DYNC1LI1: variants seen among roughly 807,000 people sequenced by gnomAD.
The protein encoded by DYNC1LI1 is cytoplasmic dynein 1 light intermediate chain 1.
DYNC1LI1 carries 19 observed loss-of-function variants against 63.8 expected under a neutral mutation model. The observed-to-expected ratio is 0.30, with a 90% CI of 0.21 to 0.44. The LOEUF (loss-of-function observed/expected upper bound fraction) is 0.44. Ranked by LOEUF, DYNC1LI1 falls within the 20% of genes least tolerant of loss-of-function variation. The pLI, the probability that DYNC1LI1 is intolerant of heterozygous loss-of-function variation, is 1.00. For synonymous variants in DYNC1LI1, 225 were observed against 232.3 expected, an observed-to-expected ratio of 0.97 and a Z score of 0.28; for missense variants, 565 against 630.2, an observed-to-expected ratio of 0.90 and a Z score of 1.11.
rs371924766 is a variant in DYNC1LI1 at position 32,537,111 on chromosome 3, A to C, written c.739-7T>G. 3.7e-4 allele frequency: 538 copies of C among 1,448,878 alleles called. No homozygotes were observed. The highest frequency in any genetic ancestry group is 3.1e-3 in the South Asian group (235 of 77,014). 89.8% of individuals were successfully genotyped at this position (1,448,878 alleles called of 1,614,324 possible). A position where few individuals can be genotyped will look rare whatever the true frequency, so the allele number is the denominator to read the frequency against. On this transcript the variant is annotated splice_polypyrimidine_tract_variant and splice_region_variant and intron_variant, in intron 5 of 12. Transcript: ENST00000273130. ...ATACACTAATGGCATCACACTGTTA[A>C]GTTAAAATAATTAAAAATAATACAT... is the stretch of plus-strand genomic sequence containing the variant.
chr3:32,548,007 A>G (rs1048555095), intron 2 of DYNC1LI1, among the ~76,000 whole-genome samples: 1 of 152,054 alleles, frequency 6.6e-6, no homozygotes, highest in Non-Finnish European at 1.5e-5. Flanking sequence ...ATACACATAC[A>G]CACACATATA....
intron 5 of DYNC1LI1, among the ~76,000 whole-genome samples, chr3:32,538,504 T>A (rs1697831965): frequency 1.3e-5 from 2 of 151,826 alleles, no homozygotes; most frequent in Admixed American, 6.6e-5. Flanking sequence ...ATCGAGACCA[T>A]CCTGGCTAAC....
chr3:32,568,155 T>A (rs1225766399), intron 2 of DYNC1LI1, among the ~76,000 whole-genome samples: 1 of 152,090 alleles, frequency 6.6e-6, no homozygotes, highest in Admixed American at 6.6e-5. Flanking sequence ...TTTTTTTAAA[T>A]AAGAGACTCC....
At position 32,555,678 on chromosome 3, in the gene DYNC1LI1, C is replaced by T. The variant is rs538737279; in HGVS notation, c.221-9713G>A. Reference sequence around the variant, plus strand: ...TCCCATCCTGCAGCTGAGTGATCTTCCTGAACCGATCTCATTATGCTACTC... The same window carrying T: ...TCCCATCCTGCAGCTGAGTGATCTTTCTGAACCGATCTCATTATGCTACTC... On this transcript the variant is annotated intron_variant, in intron 2 of 12. Transcript: ENST00000273130. 3.9e-5 allele frequency among the ~76,000 whole-genome samples: 6 copies of T among 152,272 alleles called. No homozygotes were observed. The East Asian group carries it at 1.2e-3, about 29-fold the overall frequency.
At chr3:32,527,840 G>T (rs1294217625) in intron 12 of DYNC1LI1, among the ~76,000 whole-genome samples, 2 of 151,844 alleles carry the variant, frequency 1.3e-5, no homozygotes, top group African/African-American at 4.8e-5. Context: ...AGGAATGAAG[G>T]CCAGGCATGG....
At chr3:32,560,862 C>T (rs1037565136) in intron 2 of DYNC1LI1, among the ~76,000 whole-genome samples, 3 of 151,304 alleles carry the variant, frequency 2.0e-5, no homozygotes, top group Non-Finnish European at 4.4e-5. Context: ...ATTAGCCAGG[C>T]GTGGTGGCTC....
At chr3:32,562,607 G>A (rs1366126815) in intron 2 of DYNC1LI1, among the ~76,000 whole-genome samples, 2 of 152,152 alleles carry the variant, frequency 1.3e-5, no homozygotes. Flanking sequence ...GATTGCAGGC[G>A]GGAGCCACTG....
At chr3:32,550,729 A>AC (rs984646215) in intron 2 of DYNC1LI1, among the ~76,000 whole-genome samples, 44 of 152,258 alleles carry the variant, frequency 2.9e-4, no homozygotes, top group African/African-American at 9.9e-4. Context: ...ACTGGGACCC[A>AC]CCCCCTTAGT....
At chr3:32,558,680 T>C (rs1356805634) in intron 2 of DYNC1LI1, among the ~76,000 whole-genome samples, 1 of 152,014 alleles carries the variant, frequency 6.6e-6, no homozygotes, top group Non-Finnish European at 1.5e-5. Context: ...ATCCCGTCTC[T>C]ACTAAAAATA....
rs1698334029 is a variant in DYNC1LI1, at chr3:32,570,527, CCGGGCCCGGCGCCGAGCTCCAG to C, written c.146+76_146+97del. ...GATGGGGCTGCCGGGAACGCAGTGG[CCGGGCCCGGCGCCGAGCTCCAG>C]CGGGCACGGGATCCCGAGGCGTCCG... On this transcript the variant is annotated intron_variant, in intron 1 of 12. Coordinates refer to ENST00000273130, the MANE Select transcript of DYNC1LI1 (RefSeq NM_016141.4). 3.4e-6 allele frequency: 5 copies of C among 1,487,360 alleles called. No homozygotes were observed. The South Asian group carries it at 6.5e-5, about 19-fold the overall frequency. The allele number at this position is 1,487,360 out of a possible 1,614,324, so 92.1% of individuals were successfully genotyped here.
At position 32,570,369 on chromosome 3, in the gene DYNC1LI1, G is replaced by A. The variant is rs759036961; in HGVS notation, c.197C>T (p.Ala66Val). ...VSTRSRSKLP[A>V]GKNVLLLGED... is the part of the protein sequence containing the mutation. ...ACCCAGCAGTAGCACGTTCTTCCCC[G>A]CAGGGAGCTTGGAGCGCGAGCGGGT... is the stretch of plus-strand genomic sequence containing the variant. The change falls in exon 2 of 13, where the codon GCG becomes GTG. Residue 66 changes from alanine (A) to valine (V), a missense_variant. Transcript: ENST00000273130. The A allele has an allele frequency of 2.9e-5, 46 of 1,602,432 alleles. No homozygotes were observed. In the Middle Eastern group the frequency reaches 1.1e-3, roughly 38 times the overall value.
intron 11 of DYNC1LI1, 141 bp from the exon 12 acceptor site, chr3:32,528,742 CT>C: frequency 1.4e-6 from 1 of 720,484 alleles, no homozygotes; most frequent in Non-Finnish European, 2.1e-6. Flanking sequence ...CTAGTTTGAT[CT>C]TTTGATGCTG....
At chr3:32,548,307 G>A (rs903056454) in intron 2 of DYNC1LI1, among the ~76,000 whole-genome samples, 7 of 152,090 alleles carry the variant, frequency 4.6e-5, no homozygotes, top group East Asian at 3.9e-4. Context: ...AACTGCGCAC[G>A]CCTGGGGATC....
rs775297808 is a variant in DYNC1LI1, at chr3:32,528,582, G to A, written c.1326C>T (p.Gly442=). Residue 442 remains glycine (G), a synonymous_variant, in exon 12 of 13, where the codon GGC becomes GGT. Coordinates refer to ENST00000273130, the MANE Select transcript of DYNC1LI1 (RefSeq NM_016141.4). Reference sequence around the variant, plus strand: ...AACTGTTGAAGAAATTTGCCAGAACGCCTTCACTTGTAGCTCCAGCTATAA... The same window carrying A: ...AACTGTTGAAGAAATTTGCCAGAACACCTTCACTTGTAGCTCCAGCTATAA... ...PNMKAGATSE[G]VLANFFNSLL... 1.2e-5 allele frequency: 19 copies of A among 1,610,440 alleles called. No homozygotes were observed. The highest frequency in any genetic ancestry group is 4.5e-5 in the East Asian group (2 of 44,752).
chr3:32,537,960 TAATATATATATATTTATATATAATATA>T lies in DYNC1LI1; in HGVS notation c.739-883_739-857del, dbSNP rs1697807195. ...ATAATATATATATAATTTATATATATAATATATATATATTTATATATAATATATATATATAATTTATATATATAATAT... is the reference window on the plus strand; with the variant it reads ...ATAATATATATATAATTTATATATATTATATATAATTTATATATATAATAT... On this transcript the variant is annotated intron_variant, in intron 5 of 12. Coordinates refer to ENST00000273130, the MANE Select transcript of DYNC1LI1 (RefSeq NM_016141.4). 2.2e-3 allele frequency among the ~76,000 whole-genome samples: 7 copies of T among 3,170 alleles called. 1 individual carries two copies. The highest frequency in any genetic ancestry group is 8.8e-3 in the African/African-American group (7 of 794). 2.1% of individuals were successfully genotyped at this position (3,170 alleles called of 152,430 possible). A position where few individuals can be genotyped will look rare whatever the true frequency, so the allele number is the denominator to read the frequency against.
intron 3 of DYNC1LI1, 50 bp downstream of exon 3, chr3:32,545,799 A>C: frequency 2.3e-5 from 26 of 1,146,734 alleles, no homozygotes; most frequent in Non-Finnish European, 3.0e-5. Flanking sequence ...TGTGAATGGC[A>C]GTGCACCTCA....
intron 2 of DYNC1LI1, among the ~76,000 whole-genome samples, chr3:32,557,838 A>C (rs975595142): frequency 2.0e-5 from 3 of 152,232 alleles, no homozygotes; most frequent in Admixed American, 6.5e-5. Flanking sequence ...CTGGCAGCCA[A>C]ATAGTTAACG....
chr3:32,557,725 A>G (rs945255211), intron 2 of DYNC1LI1, among the ~76,000 whole-genome samples: 6 of 152,184 alleles, frequency 3.9e-5, no homozygotes, highest in Non-Finnish European at 7.3e-5. Flanking sequence ...TAAAGTGGCC[A>G]ATACAGAAAA....
At chr3:32,550,985 A>C (rs76436356) in intron 2 of DYNC1LI1, among the ~76,000 whole-genome samples, 2,129 of 151,868 alleles carry the variant, frequency 0.014, 44 homozygotes, top group African/African-American at 0.049. Context: ...TGTGTAAAAA[A>C]AATTTTAACA....
Sources: allele counts gnomAD v4.1 joint callset (sites outside exome capture counted in the v4.1 genomes callset), GRCh38; gene constraint gnomAD v4.1.1; transcripts MANE v1.5; gene names NCBI Gene and HGNC (gene_info 2026-07-23, HGNC 2026-07-21).